The following UTP20 variants were observed in gnomAD, a reference collection of about 807,000 sequenced individuals.
UTP20 encodes small subunit processome component 20 homolog.
Under a neutral mutation model 329.5 loss-of-function variants are expected in UTP20, and 164 were observed. The observed-to-expected ratio is 0.50, with a 90% CI of 0.44 to 0.57. UTP20 has a LOEUF of 0.57. Among genes scored for constraint, UTP20 ranks in the 20% least tolerant of loss-of-function variants. UTP20 has a pLI of 0.00. For synonymous variants in UTP20, 1,151 were observed against 1,159.3 expected, an observed-to-expected ratio of 0.99 and a Z score of 0.14; for missense variants, 3,055 against 3,284.2, an observed-to-expected ratio of 0.93 and a Z score of 1.71.
Position 101,356,987 on chromosome 12 carries a change from C to T in UTP20, c.5596C>T (p.Arg1866Cys), listed in dbSNP as rs778767258. The T allele has an allele frequency of 2.0e-5, 32 of 1,614,070 alleles. No homozygotes were observed. The highest frequency in any genetic ancestry group is 1.8e-4 in the South Asian group (16 of 91,072). The change falls in exon 43 of 62, where the codon CGC becomes TGC. Residue 1866 changes from arginine to cysteine, a missense_variant. Physicochemically the swap from Arg to Cys is radical, Grantham distance 180. This residue lies in a region of UTP20 where 2,445 missense variants were observed against 2,575.5 expected (regional missense o/e 0.95). Transcript: ENST00000261637. ...AGCCCAAGAAATCAGAGACATTGCA[C>T]GCAGCACTCTTGCGAAAATAATAGA... ...NRAQEIRDIA[R>C]STLAKIIEDL...
intron 49 of UTP20, 136 bp from the exon 50 acceptor site, chr12:101,370,296 G>A: frequency 9.2e-7 from 1 of 1,085,338 alleles, no homozygotes; most frequent in Non-Finnish European, 1.3e-6. Context: ...ATTTTTTCCA[G>A]AGTAATTTGC....
At chr12:101,363,224 A>C (rs1053594666) in intron 44 of UTP20, among the ~76,000 whole-genome samples, 1 of 152,204 alleles carries the variant, frequency 6.6e-6, no homozygotes, top group African/African-American at 2.4e-5. Context: ...TTAGATTGCA[A>C]ATATTCTGAG....
At chr12:101,321,157 AATATT>A (rs1199199324) in intron 24 of UTP20, among the ~76,000 whole-genome samples, 1 of 152,164 alleles carries the variant, frequency 6.6e-6, no homozygotes, top group Non-Finnish European at 1.5e-5. Context: ...CTGTGTTGTA[AATATT>A]ATGTCATTTT....
chr12:101,345,467 T>A (rs1869291575), intron 36 of UTP20, 87 bp from the exon 37 acceptor site: 1 of 1,000,152 alleles, frequency 1.0e-6, no homozygotes, highest in Non-Finnish European at 1.4e-6. Context: ...TTTTACTTTT[T>A]AAAATTTTAT....
rs770251549 is a variant in UTP20, at chr12:101,342,936, T to C, written c.4297-5T>C. On this transcript the variant is annotated splice_region_variant and splice_polypyrimidine_tract_variant and intron_variant, in intron 34 of 61. Transcript: ENST00000261637. ...TTTATATAACTTCAATGGCATTTCT[T>C]ATAGCTTAACGCCTTCGATCAAAGA... The C allele has an allele frequency of 6.2e-7, 1 of 1,611,482 alleles. No homozygotes were observed. The highest frequency in any genetic ancestry group is 2.2e-5 in the East Asian group (1 of 44,848).
chr12:101,302,425 T>G, intron 14 of UTP20, 23 bp from the exon 15 acceptor site: 1 of 1,391,944 alleles, frequency 7.2e-7, no homozygotes, highest in Non-Finnish European at 1.0e-6. Context: ...GTAATGTGGT[T>G]TCTCCTGTTT....
chr12:101,341,369 AT>A (rs201984271), intron 32 of UTP20, among the ~76,000 whole-genome samples: 2,532 of 152,258 alleles, frequency 0.017, 20 homozygotes, highest in Non-Finnish European at 0.026. Flanking sequence ...TCCTGATATG[AT>A]TTTCAAACCC....
chr12:101,293,093 C>G, intron 10 of UTP20, 75 bp from the exon 11 acceptor site: 1 of 1,459,310 alleles, frequency 6.9e-7, no homozygotes, highest in Non-Finnish European at 9.6e-7. Context: ...CCATTCCCTT[C>G]TATAGCTGCT....
At chr12:101,320,767 C>T (rs1340037202) in intron 23 of UTP20, 85 bp from the exon 24 acceptor site, 27 of 1,209,912 alleles carry the variant, frequency 2.2e-5, no homozygotes, top group Non-Finnish European at 3.0e-5. Flanking sequence ...TTTCAAATCT[C>T]ATTTAGCAAA....
At chr12:101,289,724 G>A (rs896444532) in intron 6 of UTP20, among the ~76,000 whole-genome samples, 7 of 152,074 alleles carry the variant, frequency 4.6e-5, no homozygotes, top group African/African-American at 1.7e-4. Context: ...GGAAGTAACT[G>A]GTAGCATGGT....
chr12:101,364,606 C>T (rs1365050768), intron 45 of UTP20, among the ~76,000 whole-genome samples: 1 of 152,150 alleles, frequency 6.6e-6, no homozygotes, highest in African/African-American at 2.4e-5. Context: ...TACCCACCTT[C>T]CTATTGATTT....
chr12:101,329,377 C>T lies in UTP20; in HGVS notation c.3345C>T (p.Tyr1115=), dbSNP rs747379504. 1.1e-5 allele frequency: 17 copies of T among 1,614,078 alleles called. No homozygotes were observed. Among genetic ancestry groups the T allele is most frequent in the Non-Finnish European group, 1.4e-5 (17 of 1,180,004 alleles). Residue 1115 remains tyrosine (Y), a synonymous_variant, in exon 27 of 62, where the codon TAC becomes TAT. Coordinates refer to ENST00000261637, the MANE Select transcript of UTP20 (RefSeq NM_014503.3). The part of the protein sequence containing the change: ...LKNISHLISA[Y]LPKILQILLC... The stretch of plus-strand genomic sequence containing the variant: ...ACATTAGTCATCTGATCAGCGCATA[C>T]CTGCCGAAGATTTTGCAGATACTGC...
intron 7 of UTP20, among the ~76,000 whole-genome samples, 162 bp downstream of exon 7, chr12:101,290,436 G>C (rs768081716): frequency 6.6e-6 from 1 of 152,178 alleles, no homozygotes; most frequent in African/African-American, 2.4e-5. Flanking sequence ...GTAGGCCTTG[G>C]ACAGTGAGAT....
chr12:101,359,894 TC>T (rs905941997), intron 43 of UTP20, among the ~76,000 whole-genome samples: 3 of 152,022 alleles, frequency 2.0e-5, no homozygotes, highest in Non-Finnish European at 2.9e-5. Flanking sequence ...AGAGGAAGCT[TC>T]CCCTCCCAGA....
Position 101,385,987 on chromosome 12 carries a change from T to A in UTP20, c.8222T>A (p.Ile2741Asn). Residue 2741 changes from isoleucine to asparagine, a missense_variant, in exon 62 of 62, where the codon ATT becomes AAT. This residue lies in a region of UTP20 where 337 missense variants were observed against 345.5 expected (regional missense o/e 0.98). Transcript: ENST00000261637. ...TTCCAGTTTGTAACTAATCCTGATA[T>A]TGCTGCCAAGAAAAAAATGAAGAAA... ...KALEFVTNPD[I>N]AAKKKMKKHK... 6.3e-7 allele frequency: 1 copy of A among 1,595,030 alleles called. No homozygotes were observed. The highest frequency in any genetic ancestry group is 8.5e-7 in the Non-Finnish European group (1 of 1,170,140).
chr12:101,312,443 G>T (rs770194025), intron 21 of UTP20, among the ~76,000 whole-genome samples, 167 bp downstream of exon 21: 2 of 151,970 alleles, frequency 1.3e-5, no homozygotes, highest in Non-Finnish European at 2.9e-5. Flanking sequence ...TTTTGTTTTT[G>T]TTTTGTTTTG....
At position 101,381,204 on chromosome 12, in the gene UTP20, G is replaced by A; in HGVS notation, c.7649G>A (p.Gly2550Glu). The A allele has an allele frequency of 6.2e-7, 1 of 1,613,066 alleles. No individual in the cohort carries two copies. Among genetic ancestry groups the A allele is most frequent in the Non-Finnish European group, 8.5e-7 (1 of 1,179,042 alleles). The change falls in exon 58 of 62, where the codon GGA (glycine) becomes GAA (glutamate). Residue 2550 changes from glycine to glutamate, a missense_variant. Physicochemically the swap from Gly to Glu is moderately conservative, Grantham distance 98. Transcript: ENST00000261637. ...LHSKFLDQSL[G>E]EQVVKNLLFA... is the part of the protein sequence containing the mutation. The stretch of plus-strand genomic sequence containing the variant: ...TCCAAATTCTTGGATCAGTCTCTAG[G>A]AGAACAGGTAAGAATTGTAGTTCTC...
At chr12:101,331,976 T>G (rs1004933379) in intron 27 of UTP20, among the ~76,000 whole-genome samples, 4 of 152,114 alleles carry the variant, frequency 2.6e-5, no homozygotes, top group Non-Finnish European at 5.9e-5. Context: ...CTTCATTCTT[T>G]AATACCCAGT....
In UTP20 at chr12:101,317,551, G is replaced by A; in HGVS notation, c.2626G>A (p.Ala876Thr). 1.2e-6 allele frequency: 2 copies of A among 1,614,172 alleles called. No homozygotes were observed. Among genetic ancestry groups the A allele is most frequent in the Non-Finnish European group, 1.7e-6 (2 of 1,180,028 alleles). ...DLRRKGKGMVAEEIEEEPAAG... is the reference protein window; with the variant it reads ...DLRRKGKGMVTEEIEEEPAAG... The stretch of plus-strand genomic sequence containing the variant: ...ACGGAGAAAAGGCAAAGGGATGGTG[G>A]CAGAGGAAATCGAAGAGGAACCTGC... Residue 876 changes from alanine (A) to threonine (T), a missense_variant, in exon 22 of 62, where the codon GCA (alanine) becomes ACA (threonine). Physicochemically the swap from Ala to Thr is moderately conservative, Grantham distance 58. Around this residue, in one of 3 missense-constraint regions of UTP20, gnomAD observed 2,445 missense variants for 2,575.5 expected, o/e 0.95. Transcript: ENST00000261637.
Sources: gnomAD v4.1 joint callset for allele counts (sites outside exome capture counted in the v4.1 genomes callset) on GRCh38, gnomAD v4.1.1 for gene constraint, gnomAD v4.1.1 regional missense constraint, MANE v1.5 for transcripts, NCBI Gene and HGNC (gene_info 2026-07-23, HGNC 2026-07-21) for gene names.